Variants in CD36 observed in about 807,000 individuals in gnomAD.
CD36 encodes the protein CD36 molecule (CD36 blood group).
CD36 carries 119 observed loss-of-function variants against 55.2 expected under a neutral mutation model. The ratio of observed to expected loss-of-function variants is 2.15; its 90% CI spans 1.86 to 2.51. The LOEUF is 2.51. Ranked by LOEUF, CD36 falls within the 30% of genes most tolerant of loss-of-function variation. The pLI is 0.00. For synonymous variants in CD36, 186 were observed against 193.6 expected, an observed-to-expected ratio of 0.96 and a Z score of 0.33; for missense variants, 819 against 555.5, an observed-to-expected ratio of 1.47 and a Z score of -4.77.
At chr7:80,622,428 A>G (rs773214299) in intron 1 of CD36, among the ~76,000 whole-genome samples, 1 of 152,244 alleles carries the variant, frequency 6.6e-6, no homozygotes, top group African/African-American at 2.4e-5. Context: ...AATGGCATCC[A>G]CCAAAAATCA....
In CD36 at chr7:80,661,210, A is replaced by G. The variant is rs374493975; in HGVS notation, c.429A>G (p.Ala143=). ...TCACAGTTCTCAATCTGGCTGTGGCAGTGAGTAGACAAACAACAAAGTTAT... is the reference window on the plus strand; with the variant it reads ...TCACAGTTCTCAATCTGGCTGTGGCGGTGAGTAGACAAACAACAAAGTTAT... The part of the protein sequence containing the change: ...DNFTVLNLAV[A]AASHIYQNQF... Residue 143 remains alanine, a splice_region_variant and synonymous_variant, in exon 5 of 15, where the codon GCA becomes GCG. Coordinates refer to ENST00000447544, the MANE Select transcript of CD36 (RefSeq NM_001001548.3). The G allele has an allele frequency of 1.9e-5, 31 of 1,613,548 alleles. No individual in the cohort carries two copies. The highest frequency in any genetic ancestry group is 2.5e-5 in the Non-Finnish European group (30 of 1,179,606).
chr7:80,673,838 G>T (rs1797973594), intron 13 of CD36, 145 bp from the exon 14 acceptor site: 1 of 694,292 alleles, frequency 1.4e-6, no homozygotes, highest in African/African-American at 1.8e-5. Flanking sequence ...TTCTTGACTT[G>T]CAAAAGGAAT....
intron 5 of CD36, 105 bp downstream of exon 5, chr7:80,661,315 T>C: frequency 3.7e-6 from 4 of 1,069,074 alleles, no homozygotes. Flanking sequence ...TCCATTTTTA[T>C]CAAAACGTAT....
rs146885545 is a variant in CD36, at chr7:80,666,447, C to G, written c.706C>G (p.Leu236Val). Residue 236 changes from leucine (L) to valine (V), a missense_variant, in exon 8 of 15, where the codon CTG becomes GTG. By Grantham distance (32) the Leu-to-Val change is conservative. Coordinates refer to ENST00000447544, the MANE Select transcript of CD36 (RefSeq NM_001001548.3). ...IIDTYKGKRN[L>V]SYWESHCDMI... is the part of the protein sequence containing the mutation. ...ATTGTCTTTTTCTATTCCTAGGAAT[C>G]TGTCCTATTGGGAAAGTCACTGCGA... 1.0e-5 allele frequency: 16 copies of G among 1,597,120 alleles called. No individual in the cohort carries two copies. The highest frequency in any genetic ancestry group is 1.3e-5 in the African/African-American group (1 of 74,562).
At chr7:80,654,873 G>A (rs1179243201) in intron 3 of CD36, among the ~76,000 whole-genome samples, 1 of 105,292 alleles carries the variant, frequency 9.5e-6, no homozygotes, top group African/African-American at 4.1e-5. Context: ...AAGTGCAGAG[G>A]GTGACGGAAA....
upstream of CD36, among the ~76,000 whole-genome samples, chr7:80,637,190 A>T (rs1229502547): frequency 6.6e-6 from 1 of 151,960 alleles, no homozygotes; most frequent in Non-Finnish European, 1.5e-5. Flanking sequence ...TTAGAGTGTG[A>T]GTGTGTGAGA....
chr7:80,606,776 G>T (rs1233054741), intron 1 of CD36, among the ~76,000 whole-genome samples: 3 of 152,152 alleles, frequency 2.0e-5, no homozygotes. Flanking sequence ...GCACAGTACT[G>T]TTCTTTGCTA....
At chr7:80,639,468 G>A (rs1053448478) in intron 1 of CD36, among the ~76,000 whole-genome samples, 4 of 151,812 alleles carry the variant, frequency 2.6e-5, no homozygotes, top group African/African-American at 9.7e-5. Context: ...TGAATTATTA[G>A]ATGATGATGC....
chr7:80,673,977 T>C lies in CD36; in HGVS notation c.1255-6T>C, dbSNP rs757244742. 4 of 1,609,368 alleles carry C rather than the reference T, an allele frequency of 2.5e-6. No individual in the cohort carries two copies. Among genetic ancestry groups the C allele is most frequent in the Non-Finnish European group, 3.4e-6 (4 of 1,176,520 alleles). On this transcript the variant is annotated splice_region_variant and splice_polypyrimidine_tract_variant and intron_variant, in intron 13 of 14. Transcript: ENST00000447544. ...CAAATAATGTTGATTATTAACTTGATTACAGACTGGGACCATTGGTGATGA... is the reference window on the plus strand; with the variant it reads ...CAAATAATGTTGATTATTAACTTGACTACAGACTGGGACCATTGGTGATGA...
intron 4 of CD36, among the ~76,000 whole-genome samples, chr7:80,659,908 T>C (rs3211884): frequency 0.02 from 3,045 of 152,206 alleles, 101 homozygotes; most frequent in African/African-American, 0.069. Context: ...TAGCCAACTT[T>C]GAATCCTCTT....
intron 1 of CD36, among the ~76,000 whole-genome samples, chr7:80,617,776 G>A (rs1486065692): frequency 1.3e-5 from 2 of 150,930 alleles, no homozygotes; most frequent in African/African-American, 2.4e-5. Flanking sequence ...CTCTTCAAAC[G>A]TACATTGGAT....
At chr7:80,622,010 A>G (rs1454480740) in intron 1 of CD36, among the ~76,000 whole-genome samples, 1 of 151,986 alleles carries the variant, frequency 6.6e-6, no homozygotes, top group Non-Finnish European at 1.5e-5. Context: ...GGTTTTTCAC[A>G]CTGTCGTGCC....
Position 80,678,156 on chromosome 7 carries a change from G to A in CD36, c.*1773G>A, listed in dbSNP as rs976054226. ...GGGAGTGGGGCAACTTGGGGAATAT[G>A]TTACATGTGTGACTTTGTTTTGCCC... On this transcript the variant is annotated 3_prime_UTR_variant, in exon 15 of 15. Transcript: ENST00000447544. 32 of 151,828 alleles carry A rather than the reference G, an allele frequency of 2.1e-4. No individual in the cohort carries two copies. The highest frequency in any genetic ancestry group is 7.5e-4 in the African/African-American group (31 of 41,304). 9.4% of individuals were successfully genotyped at this position (151,828 alleles called of 1,614,324 possible). A position where few individuals can be genotyped will look rare whatever the true frequency, so the allele number is the denominator to read the frequency against.
intron 1 of CD36, among the ~76,000 whole-genome samples, chr7:80,621,836 C>G (rs1793486872): frequency 1.3e-5 from 2 of 152,156 alleles, no homozygotes; most frequent in Admixed American, 1.3e-4. Flanking sequence ...TGGCAGGTCC[C>G]CACTGAAATC....
At chr7:80,632,605 A>T (rs944152742) in intron 1 of CD36, among the ~76,000 whole-genome samples, 3 of 152,034 alleles carry the variant, frequency 2.0e-5, no homozygotes, top group Admixed American at 1.3e-4. Flanking sequence ...AAATCATTTT[A>T]TGTCATCCTT....
intron 1 of CD36, among the ~76,000 whole-genome samples, chr7:80,614,034 AGTTGTC>A (rs753518324): frequency 2.0e-5 from 3 of 152,170 alleles, no homozygotes; most frequent in Non-Finnish European, 2.9e-5. Flanking sequence ...GCTTAGCAGC[AGTTGTC>A]TATTTGAAAT....
chr7:80,611,405 T>G (rs1300289049), intron 1 of CD36, among the ~76,000 whole-genome samples: 1 of 152,246 alleles, frequency 6.6e-6, no homozygotes, highest in Non-Finnish European at 1.5e-5. Context: ...TTTTCTTCTT[T>G]GAGTTTCTCT....
intron 7 of CD36, chr7:80,666,173 T>G: frequency 2.4e-6 from 1 of 421,164 alleles, no homozygotes; most frequent in South Asian, 2.7e-5. Flanking sequence ...CTGATAAATG[T>G]TTTTAATTTT....
intron 4 of CD36, among the ~76,000 whole-genome samples, chr7:80,657,414 A>G (rs1796178315): frequency 1.3e-5 from 2 of 152,176 alleles, no homozygotes; most frequent in Non-Finnish European, 2.9e-5. Flanking sequence ...TATTTCCTCT[A>G]GTGTTGAGAC....
Sources: gnomAD v4.1 joint callset for allele counts (sites outside exome capture counted in the v4.1 genomes callset) on GRCh38, gnomAD v4.1.1 for gene constraint, MANE v1.5 for transcripts, NCBI Gene and HGNC (gene_info 2026-07-23, HGNC 2026-07-21) for gene names.